Variants in SLC36A1 observed in about 807,000 individuals in gnomAD.
SLC36A1 encodes the protein proton-coupled amino acid transporter 1.
A neutral mutation model predicts 47.5 loss-of-function variants in SLC36A1; 30 were observed. The ratio of observed to expected loss-of-function variants is 0.63; its 90% CI spans 0.47 to 0.86. The LOEUF (loss-of-function observed/expected upper bound fraction) is 0.86, where lower values mean the gene tolerates loss of function less well. SLC36A1 is among the 40% of genes least tolerant of loss of function. The pLI, the probability that SLC36A1 is intolerant of heterozygous loss-of-function variation, is 0.00. For synonymous variants in SLC36A1, 255 were observed against 249.7 expected, an observed-to-expected ratio of 1.02 and a Z score of -0.20; for missense variants, 517 against 606.0, an observed-to-expected ratio of 0.85 and a Z score of 1.54.
At chr5:151,378,329 A>G in the SLC36A1 span, 2 of 200,810 alleles carry the variant, frequency 1.0e-5, no homozygotes, top group East Asian at 2.3e-4. Flanking sequence ...CCCATACTCC[A>G]TCCTCCTCGT....
At chr5:151,470,376 G>A (rs182433318) in intron 7 of SLC36A1, among the ~76,000 whole-genome samples, 22 of 152,310 alleles carry the variant, frequency 1.4e-4, no homozygotes, top group Admixed American at 9.2e-4. Context: ...TTCTTATAGC[G>A]TCTCAGTCCC....
chr5:151,438,774 T>A (rs1048088087), intron 1 of SLC36A1, among the ~76,000 whole-genome samples: 1 of 152,232 alleles, frequency 6.6e-6, no homozygotes, highest in African/African-American at 2.4e-5. Context: ...CTGGCATTGG[T>A]GGCAGAGCAG....
the SLC36A1 span, among the ~76,000 whole-genome samples, chr5:151,540,992 C>A: frequency 6.6e-6 from 1 of 152,246 alleles, no homozygotes; most frequent in Non-Finnish European, 1.5e-5. Context: ...CAAGAAGCAT[C>A]ACTTCAAAAT....
At chr5:151,477,842 C>G (rs1758288808) in intron 9 of SLC36A1, among the ~76,000 whole-genome samples, 1 of 152,164 alleles carries the variant, frequency 6.6e-6, no homozygotes, top group Admixed American at 6.5e-5. Context: ...TCGGGAGCAA[C>G]AGAAGCAGCC....
At chr5:151,377,614 T>G in the SLC36A1 span, among the ~76,000 whole-genome samples, 10 of 152,194 alleles carry the variant, frequency 6.6e-5, no homozygotes, top group Admixed American at 2.6e-4. Context: ...CCCAAAGTGC[T>G]GGGATTACAG....
At chr5:151,357,040 CTA>C in the SLC36A1 span, among the ~76,000 whole-genome samples, 1 of 152,170 alleles carries the variant, frequency 6.6e-6, no homozygotes, top group Admixed American at 6.5e-5. Flanking sequence ...GTTAGCAAAT[CTA>C]AGAGGAAGAA....
At chr5:151,377,510 G>A in the SLC36A1 span, among the ~76,000 whole-genome samples, 26 of 151,260 alleles carry the variant, frequency 1.7e-4, no homozygotes, top group East Asian at 1.2e-3. Context: ...CACCATGCCC[G>A]GCTAATTTTT....
At chr5:151,439,428 G>C (rs1752493175) in intron 1 of SLC36A1, among the ~76,000 whole-genome samples, 1 of 152,094 alleles carries the variant, frequency 6.6e-6, no homozygotes, top group African/African-American at 2.4e-5. Flanking sequence ...GCCAAGGTGG[G>C]CAGATCATGA....
the SLC36A1 span, among the ~76,000 whole-genome samples, chr5:151,358,877 G>A: frequency 6.6e-6 from 1 of 151,346 alleles, no homozygotes; most frequent in African/African-American, 2.4e-5. Context: ...GGGAGGCTGA[G>A]GCAGGAGAAT....
At position 151,489,806 on chromosome 5, in the gene SLC36A1, C is replaced by CGTGT. The variant is rs201953137; in HGVS notation, c.*1563_*1566dup. On this transcript the variant is annotated 3_prime_UTR_variant, in exon 11 of 11. Transcript: ENST00000243389. The surrounding 1 kb of genome is among the most constrained non-coding windows in gnomAD (Gnocchi z 4.5). The stretch of plus-strand genomic sequence containing the variant: ...ATTTGTGCACGTGTGTGTGTACGTG[C>CGTGT]GTGTGTGTGTGTGTTCCTGTGTAAG... The CGTGT allele has an allele frequency of 1.3e-5, 2 of 151,716 alleles. No individual in the cohort carries two copies. The highest frequency in any genetic ancestry group is 2.9e-5 in the Non-Finnish European group (2 of 67,926). 9.4% of individuals were successfully genotyped at this position (151,716 alleles called of 1,614,324 possible).
chr5:151,376,642 T>TG, the SLC36A1 span, among the ~76,000 whole-genome samples: 2 of 152,160 alleles, frequency 1.3e-5, no homozygotes, highest in Non-Finnish European at 2.9e-5. Context: ...TCAAAAATTT[T>TG]TTTTTTTGAG....
rs1488102354 is a variant in SLC36A1 at position 151,489,457 on chromosome 5, A to G, written c.*1203A>G. The G allele has an allele frequency of 6.6e-6, 1 of 152,668 alleles. No homozygotes were observed. Among genetic ancestry groups the G allele is most frequent in the East Asian group, 1.9e-4 (1 of 5,196 alleles). 9.5% of individuals were successfully genotyped at this position (152,668 alleles called of 1,614,324 possible). ...TAGACTTTACAGCAGCTGGTCTGAC[A>G]CTACGCGCAGTGCTCGGTTGTTTAC... On this transcript the variant is annotated 3_prime_UTR_variant, in exon 11 of 11. Coordinates refer to ENST00000243389, the MANE Select transcript of SLC36A1 (RefSeq NM_078483.4). The surrounding 1 kb of genome is among the most constrained non-coding windows in gnomAD (Gnocchi z 4.5).
At chr5:151,417,920 G>T in the SLC36A1 span, among the ~76,000 whole-genome samples, 1 of 152,234 alleles carries the variant, frequency 6.6e-6, no homozygotes, top group Admixed American at 6.5e-5. Flanking sequence ...GGGTAAAATG[G>T]TTTTGTGGGC....
chr5:151,394,118 C>T, the SLC36A1 span, among the ~76,000 whole-genome samples: 1 of 152,142 alleles, frequency 6.6e-6, no homozygotes. Context: ...ACTCTTTTTT[C>T]TCTAAACTTC....
chr5:151,470,698 T>C (rs754770992), intron 7 of SLC36A1: 4 of 152,534 alleles, frequency 2.6e-5, no homozygotes, highest in Non-Finnish European at 5.9e-5. Context: ...GGCTTGTTAC[T>C]ACTGTTCTGT....
chr5:151,419,585 T>G, the SLC36A1 span, among the ~76,000 whole-genome samples: 1 of 152,230 alleles, frequency 6.6e-6, no homozygotes, highest in East Asian at 1.9e-4. Context: ...CTCAAACTTT[T>G]GTGTGAATTA....
chr5:151,421,849 C>G, the SLC36A1 span, among the ~76,000 whole-genome samples: 1 of 152,168 alleles, frequency 6.6e-6, no homozygotes, highest in Non-Finnish European at 1.5e-5. Flanking sequence ...CTCAGCCTCC[C>G]AAAGTGCTGG....
the SLC36A1 span, chr5:151,532,047 C>A: frequency 6.4e-7 from 1 of 1,557,788 alleles, no homozygotes; most frequent in Non-Finnish European, 8.7e-7. Flanking sequence ...CCTGCAGCCA[C>A]AGGAGGGGCT....
At chr5:151,526,027 C>T in the SLC36A1 span, 4 of 1,515,686 alleles carry the variant, frequency 2.6e-6, no homozygotes, top group East Asian at 7.1e-5. Flanking sequence ...TCCTTTCGCA[C>T]GTGTCTGGGT....
Sources: gnomAD v4.1 joint callset for allele counts (sites outside exome capture counted in the v4.1 genomes callset) on GRCh38, gnomAD v4.1.1 for gene constraint, Gnocchi (gnomAD v3.1) non-coding constraint, MANE v1.5 for transcripts, NCBI Gene and HGNC (gene_info 2026-07-23, HGNC 2026-07-21) for gene names.